GFRA2: variants seen among roughly 807,000 people sequenced by gnomAD.
GFRA2 encodes the protein GDNF family receptor alpha-2.
In GFRA2, 17 loss-of-function variants were observed where a neutral mutation model predicts 48.3. The ratio of observed to expected loss-of-function variants is 0.35; its 90% confidence interval spans 0.24 to 0.53. The LOEUF (loss-of-function observed/expected upper bound fraction) is 0.53, where lower values mean the gene tolerates loss of function less well. Among genes scored for constraint, GFRA2 ranks in the 20% least tolerant of loss-of-function variants. The pLI, the probability that GFRA2 is intolerant of heterozygous loss-of-function variation, is 0.93. For missense variants in GFRA2, 660 were observed against 637.3 expected (o/e 1.04, Z -0.38); for synonymous variants, 305 against 257.2 (o/e 1.19, Z -1.78).
intron 7 of GFRA2, among the ~76,000 whole-genome samples, chr8:21,700,397 G>T (rs932985168): frequency 6.6e-6 from 1 of 152,184 alleles, no homozygotes; most frequent in East Asian, 1.9e-4. Flanking sequence ...CTAAGACATC[G>T]GCCACAGGGC....
intron 3 of GFRA2, among the ~76,000 whole-genome samples, chr8:21,767,568 G>C (rs914976708): frequency 6.6e-6 from 1 of 152,342 alleles, no homozygotes; most frequent in Middle Eastern, 3.4e-3. Context: ...CAGGGAGCCC[G>C]GAGCCCCACC....
intron 4 of GFRA2, among the ~76,000 whole-genome samples, chr8:21,740,850 C>G (rs1269653456): frequency 6.6e-6 from 1 of 152,222 alleles, no homozygotes; most frequent in Non-Finnish European, 1.5e-5. Context: ...GCTGCTCAAG[C>G]CAGAAGCCGG....
intron 4 of GFRA2, among the ~76,000 whole-genome samples, chr8:21,721,588 T>C (rs769885329): frequency 7.4e-4 from 113 of 152,164 alleles, no homozygotes; most frequent in Non-Finnish European, 2.4e-4. Flanking sequence ...CAAAAGAGTG[T>C]TTGGGAGATG....
At chr8:21,724,317 C>T (rs1169451920) in intron 4 of GFRA2, among the ~76,000 whole-genome samples, 1 of 152,114 alleles carries the variant, frequency 6.6e-6, no homozygotes, top group African/African-American at 2.4e-5. Context: ...AGACTTTCAT[C>T]CAGACATTGC....
intron 4 of GFRA2, among the ~76,000 whole-genome samples, chr8:21,719,307 C>T (rs753161852): frequency 3.9e-5 from 6 of 152,092 alleles, no homozygotes; most frequent in African/African-American, 9.7e-5. Context: ...GAGCCAAGGC[C>T]ACATCCTTCT....
intron 7 of GFRA2, among the ~76,000 whole-genome samples, chr8:21,697,225 G>T (rs2117329547): frequency 7.2e-6 from 1 of 139,646 alleles, no homozygotes; most frequent in Admixed American, 7.0e-5. Flanking sequence ...GGAGGGCATG[G>T]TAAGGGGAGG....
rs144952647 is a variant in GFRA2 at position 21,810,075 on chromosome 8, C to G, written c.-148+2156G>C. ...GAATAAACAAGCCTTGGTCTCTCAC[C>G]AGCTCAGCTCAAGTAGAACTTGTGA... On this transcript the variant is annotated intron_variant, in intron 1 of 10. Coordinates refer to the GFRA2 transcript ENST00000517328. 1.9e-3 allele frequency among the ~76,000 whole-genome samples: 292 copies of G among 152,306 alleles called. 1 individual carries two copies. Among genetic ancestry groups the G allele is most frequent in the Non-Finnish European group, 2.3e-3 (154 of 68,022 alleles).
chr8:21,697,812 T>C (rs148167419), intron 7 of GFRA2, among the ~76,000 whole-genome samples: 3 of 151,996 alleles, frequency 2.0e-5, no homozygotes, highest in Non-Finnish European at 4.4e-5. Flanking sequence ...TCCCATGAGA[T>C]CTGATGGTTT....
chr8:21,744,515 C>A (rs1466352755), intron 4 of GFRA2, among the ~76,000 whole-genome samples: 2 of 150,656 alleles, frequency 1.3e-5, no homozygotes, highest in African/African-American at 4.9e-5. Context: ...TAGAGAACAA[C>A]AGAATCATCC....
chr8:21,720,195 T>A (rs192166430), intron 4 of GFRA2, among the ~76,000 whole-genome samples: 2 of 152,328 alleles, frequency 1.3e-5, no homozygotes, highest in Admixed American at 1.3e-4. Flanking sequence ...CAGAGATGAA[T>A]GCTTGGCCTA....
chr8:21,696,419 A>G (rs893655602), intron 7 of GFRA2, among the ~76,000 whole-genome samples: 1 of 152,194 alleles, frequency 6.6e-6, no homozygotes, highest in Non-Finnish European at 1.5e-5. Context: ...TTGTTTGGAT[A>G]ATAGTCTACT....
chr8:21,695,395 A>G (rs1802111970), intron 7 of GFRA2, among the ~76,000 whole-genome samples: 1 of 152,108 alleles, frequency 6.6e-6, no homozygotes, highest in South Asian at 2.1e-4. Flanking sequence ...AGCCCAAGAA[A>G]TTATGCCGCA....
chr8:21,725,482 G>C (rs1381418557), intron 4 of GFRA2, among the ~76,000 whole-genome samples: 1 of 152,210 alleles, frequency 6.6e-6, no homozygotes, highest in Non-Finnish European at 1.5e-5. Flanking sequence ...TTAGAAACCT[G>C]TATTTTTATG....
intron 3 of GFRA2, among the ~76,000 whole-genome samples, chr8:21,762,513 C>A (rs1805964068): frequency 6.6e-6 from 1 of 152,224 alleles, no homozygotes; most frequent in Admixed American, 6.5e-5. Flanking sequence ...GACCACCCAG[C>A]AGTCTCCAGG....
intron 4 of GFRA2, among the ~76,000 whole-genome samples, chr8:21,713,171 G>A (rs1375130641): frequency 6.6e-6 from 1 of 152,044 alleles, no homozygotes; most frequent in Non-Finnish European, 1.5e-5. Flanking sequence ...GTTGGATCTG[G>A]CAACTCTGTT....
intron 1 of GFRA2, among the ~76,000 whole-genome samples, chr8:21,811,406 T>C (rs28437891): frequency 6.6e-6 from 1 of 151,934 alleles, no homozygotes; most frequent in Non-Finnish European, 1.5e-5. Flanking sequence ...TCGGGATGGG[T>C]TTTCCCAGGC....
chr8:21,754,987 A>G (rs946686905), intron 3 of GFRA2, among the ~76,000 whole-genome samples: 1 of 152,182 alleles, frequency 6.6e-6, no homozygotes, highest in African/African-American at 2.4e-5. Context: ...ATCACACCCT[A>G]TGATTGTAAA....
intron 2 of GFRA2, among the ~76,000 whole-genome samples, chr8:21,777,307 G>C (rs1806753588): frequency 6.6e-6 from 1 of 151,820 alleles, no homozygotes; most frequent in South Asian, 2.1e-4. Context: ...CTGTCCGCCA[G>C]ATGGTGCCCC....
intron 4 of GFRA2, among the ~76,000 whole-genome samples, chr8:21,713,015 CGAGGGA>C (rs1188812476): frequency 4.2e-5 from 5 of 117,902 alleles, no homozygotes; most frequent in Non-Finnish European, 7.0e-5. Flanking sequence ...GAGAGGGAGA[CGAGGGA>C]GAGGGAGAGG....
Sources: allele counts gnomAD v4.1 joint callset (sites outside exome capture counted in the v4.1 genomes callset), GRCh38; gene constraint gnomAD v4.1.1; transcripts MANE v1.5; gene names NCBI Gene and HGNC (gene_info 2026-07-23, HGNC 2026-07-21).